Variants in WBP2NL observed in about 807,000 individuals in gnomAD.
The protein encoded by WBP2NL is WBP2 N-terminal like.
WBP2NL carries 27 observed loss-of-function variants against 23.3 expected under a neutral mutation model. That is an observed-to-expected ratio of 1.16 (90% confidence interval 0.85 to 1.60). WBP2NL has a LOEUF of 1.60. WBP2NL is among the 40% of genes most tolerant of loss of function. The pLI is 0.00. For synonymous variants in WBP2NL, 151 were observed against 145.9 expected, an observed-to-expected ratio of 1.03 and a Z score of -0.25; for missense variants, 370 against 389.5, an observed-to-expected ratio of 0.95 and a Z score of 0.42.
chr22:42,013,455 A>T (rs893771329), intron 1 of WBP2NL, among the ~76,000 whole-genome samples: 3 of 151,866 alleles, frequency 2.0e-5, no homozygotes, highest in African/African-American at 7.3e-5. Flanking sequence ...CTTGTGCGTG[A>T]TGAGTCACTT....
At chr22:42,007,091 T>C (rs774093772) in intron 1 of WBP2NL, among the ~76,000 whole-genome samples, 3 of 152,246 alleles carry the variant, frequency 2.0e-5, no homozygotes, top group Non-Finnish European at 2.9e-5. Context: ...TTATAACTTA[T>C]TTTCCTCATT....
chr22:42,029,456 C>G (rs1924788775), downstream of WBP2NL, among the ~76,000 whole-genome samples: 1 of 152,030 alleles, frequency 6.6e-6, no homozygotes, highest in Non-Finnish European at 1.5e-5. Flanking sequence ...ACTGCAACCT[C>G]CACCTCCCAG....
At chr22:42,057,010 A>G (rs1234972785) in intron 8 of WBP2NL, among the ~76,000 whole-genome samples, 2 of 152,130 alleles carry the variant, frequency 1.3e-5, no homozygotes, top group African/African-American at 2.4e-5. Flanking sequence ...GGGTTTGATT[A>G]TGATATGTCT....
intron 1 of WBP2NL, chr22:42,001,058 T>G: frequency 2.5e-6 from 2 of 813,020 alleles, no homozygotes; most frequent in Non-Finnish European, 4.0e-6. Context: ...GGAAAAATCT[T>G]AGGAAATAAC....
At chr22:42,043,323 C>A (rs1925466740) in intron 8 of WBP2NL, among the ~76,000 whole-genome samples, 1 of 152,200 alleles carries the variant, frequency 6.6e-6, no homozygotes, top group Non-Finnish European at 1.5e-5. Context: ...AAGTTCTCAG[C>A]AATGCTTCCA....
At chr22:42,043,647 C>A (rs887825374) in intron 8 of WBP2NL, among the ~76,000 whole-genome samples, 5 of 152,050 alleles carry the variant, frequency 3.3e-5, no homozygotes, top group Admixed American at 2.6e-4. Flanking sequence ...TGCATGTGCA[C>A]AACTGAGGAG....
chr22:42,055,228 G>A (rs1925986792), intron 8 of WBP2NL, among the ~76,000 whole-genome samples: 1 of 152,178 alleles, frequency 6.6e-6, no homozygotes, highest in Admixed American at 6.5e-5. Context: ...CCAGGCTGGA[G>A]TGCAGTGGCG....
At chr22:42,011,902 A>G (rs979467120) in intron 1 of WBP2NL, among the ~76,000 whole-genome samples, 7 of 151,992 alleles carry the variant, frequency 4.6e-5, no homozygotes, top group Admixed American at 6.6e-5. Flanking sequence ...CCTCCCTTGT[A>G]GCTGGGATTA....
intron 8 of WBP2NL, among the ~76,000 whole-genome samples, chr22:42,043,016 GAAAAAAA>G (rs59812729): frequency 0.015 from 849 of 55,396 alleles, 4 homozygotes; most frequent in Admixed American, 0.031. Context: ...AGTGAGCCAA[GAAAAAAA>G]AAAAAAAAAA....
rs770015622 is a variant in WBP2NL, at chr22:42,019,837, TC to T, written c.313+37del. 7 of 1,608,652 alleles carry T rather than the reference TC, an allele frequency of 4.4e-6. No homozygotes were observed. The African/African-American group carries it at 8.0e-5, about 18-fold the overall frequency. On this transcript the variant is annotated intron_variant, in intron 3 of 5. Transcript: ENST00000328823. ...TCCCTCAGAAGTGTGTATTTTTTTT[TC>T]CCTCAAAATCTTCTAAAAGGTTTAA...
At chr22:42,045,972 A>T (rs1367194579) in intron 8 of WBP2NL, among the ~76,000 whole-genome samples, 1 of 152,208 alleles carries the variant, frequency 6.6e-6, no homozygotes, top group South Asian at 2.1e-4. Context: ...TTTTATAGGT[A>T]TGGGTTTTTT....
At chr22:42,039,074 A>ATTTT (rs149508996) in intron 8 of WBP2NL, among the ~76,000 whole-genome samples, 2 of 140,060 alleles carry the variant, frequency 1.4e-5, no homozygotes, top group Non-Finnish European at 3.1e-5. Flanking sequence ...TTCCTGGCTA[A>ATTTT]TTTTTTTTTT....
At chr22:42,031,140 G>C (rs1234970918), downstream of WBP2NL, 1 of 152,232 alleles carries the variant, frequency 6.6e-6, no homozygotes, top group Non-Finnish European at 1.5e-5. Flanking sequence ...ATAGAACCAA[G>C]TGGAGCCACA....
rs143507422 is a variant in WBP2NL at position 42,025,666 on chromosome 22, A to G, written c.515-1100A>G. 6.8e-3 allele frequency among the ~76,000 whole-genome samples: 1,028 copies of G among 152,274 alleles called. 10 individuals are homozygous for G. The highest frequency in any genetic ancestry group is 0.023 in the African/African-American group (972 of 41,554). ...TATTTCTGGACTCTTAATTCATTCC[A>G]TTGGTCTCTAAGTCTGTCCTTGTGC... On this transcript the variant is annotated intron_variant, in intron 5 of 5. Coordinates refer to ENST00000328823, the MANE Select transcript of WBP2NL (RefSeq NM_152613.3).
chr22:41,998,856 G>T lies in WBP2NL; in HGVS notation c.38G>T (p.Gly13Val). The T allele has an allele frequency of 6.2e-7, 1 of 1,612,490 alleles. No homozygotes were observed. The highest frequency in any genetic ancestry group is 1.1e-5 in the South Asian group (1 of 90,952). Residue 13 changes from glycine (G) to valine (V), a missense_variant, in exon 1 of 6, where the codon GGA becomes GTA. Physicochemically the swap from Gly to Val is moderately radical, Grantham distance 109. Coordinates refer to ENST00000328823, the MANE Select transcript of WBP2NL (RefSeq NM_152613.3). ...CAGAGCCACACCGAGAACCGCCGCG[G>T]AGCCCTCATCCCTAACGGTGAAAGG... ...VNQSHTENRR[G>V]ALIPNGESLL...
At chr22:42,054,298 AGCCTCCTGAGCAGC>A (rs1925951051) in intron 8 of WBP2NL, among the ~76,000 whole-genome samples, 2 of 151,974 alleles carry the variant, frequency 1.3e-5, no homozygotes, top group Admixed American at 1.3e-4. Context: ...CTCCTGCTTT[AGCCTCCTGAGCAGC>A]TGGGATTACA....
At chr22:42,052,568 C>T (rs1384166325) in intron 8 of WBP2NL, among the ~76,000 whole-genome samples, 1 of 152,244 alleles carries the variant, frequency 6.6e-6, no homozygotes, top group Non-Finnish European at 1.5e-5. Flanking sequence ...GCATGAGCCA[C>T]TGTGCCAGGC....
chr22:41,999,484 A>C (rs1017511800), intron 1 of WBP2NL, among the ~76,000 whole-genome samples: 8 of 152,202 alleles, frequency 5.3e-5, no homozygotes, highest in Admixed American at 2.6e-4. Flanking sequence ...TTTTAAAAAC[A>C]AAATTGAAAA....
At chr22:42,054,735 A>G (rs748491988) in intron 8 of WBP2NL, among the ~76,000 whole-genome samples, 15 of 150,616 alleles carry the variant, frequency 1.0e-4, no homozygotes, top group Non-Finnish European at 2.2e-4. Flanking sequence ...AAAAAAATCA[A>G]TTAACTGGCT....
Sources: allele counts gnomAD v4.1 joint callset (sites outside exome capture counted in the v4.1 genomes callset), GRCh38; gene constraint gnomAD v4.1.1; transcripts MANE v1.5; gene names NCBI Gene and HGNC (gene_info 2026-07-23, HGNC 2026-07-21).